Variants in METTL15 observed in about 807,000 individuals in gnomAD.
The protein encoded by METTL15 is 12S rRNA N(4)-cytidine methyltransferase METTL15.
In METTL15, 34 loss-of-function variants were observed where a neutral mutation model predicts 38.3. That is an observed-to-expected ratio of 0.89 (90% CI 0.68 to 1.18). The LOEUF is 1.18. Ranked by LOEUF, METTL15 falls within the 50% of genes most tolerant of loss-of-function variation. METTL15 has a pLI of 0.00. For missense variants in METTL15, 438 were observed against 498.4 expected, an observed-to-expected ratio of 0.88 and a Z score of 1.15; for synonymous variants, 162 against 170.9, an observed-to-expected ratio of 0.95 and a Z score of 0.41.
At chr11:28,520,187 A>G (rs1003437294) in intron 6 of METTL15, among the ~76,000 whole-genome samples, 1 of 152,046 alleles carries the variant, frequency 6.6e-6, no homozygotes, top group Non-Finnish European at 1.5e-5. Context: ...AAATAGGAAA[A>G]GTGAGCCTGG....
intron 3 of METTL15, among the ~76,000 whole-genome samples, chr11:28,118,577 T>G (rs1344393131): frequency 6.6e-6 from 1 of 152,046 alleles, no homozygotes. Flanking sequence ...GAAAAAAAAG[T>G]TTGGTTATTT....
intron 3 of METTL15, chr11:28,163,591 A>G (rs1464350924): frequency 2.5e-6 from 1 of 395,034 alleles, no homozygotes; most frequent in Non-Finnish European, 4.5e-6. Context: ...TACACAATCA[A>G]ATGTATTTCC....
intron 5 of METTL15, among the ~76,000 whole-genome samples, chr11:28,369,429 A>T (rs771506663): frequency 1.3e-5 from 2 of 152,110 alleles, no homozygotes; most frequent in African/African-American, 4.8e-5. Flanking sequence ...ATATATATAT[A>T]CATCCAAATT....
chr11:28,176,728 C>G (rs931917083), intron 3 of METTL15, among the ~76,000 whole-genome samples: 10 of 152,038 alleles, frequency 6.6e-5, no homozygotes, highest in African/African-American at 2.4e-4. Context: ...TATTATCTAT[C>G]TGACCTTTAG....
intron 4 of METTL15, among the ~76,000 whole-genome samples, chr11:28,259,823 T>A (rs908602694): frequency 6.6e-6 from 1 of 152,216 alleles, no homozygotes. Context: ...GACTTTTGGT[T>A]CTTATGCAGG....
At chr11:28,123,043 A>G (rs921860537) in intron 3 of METTL15, among the ~76,000 whole-genome samples, 2 of 152,152 alleles carry the variant, frequency 1.3e-5, no homozygotes, top group African/African-American at 2.4e-5. Flanking sequence ...ACTGAATCCA[A>G]ATTTTAAATT....
At chr11:28,439,196 C>T (rs1851012257) in intron 6 of METTL15, among the ~76,000 whole-genome samples, 2 of 152,080 alleles carry the variant, frequency 1.3e-5, no homozygotes, top group African/African-American at 4.8e-5. Flanking sequence ...ATAGAGGGAA[C>T]AATTGAAGTC....
intron 5 of METTL15, among the ~76,000 whole-genome samples, chr11:28,413,454 A>T (rs1303066378): frequency 1.3e-5 from 2 of 152,198 alleles, no homozygotes; most frequent in Non-Finnish European, 2.9e-5. Context: ...TTACAGGTAA[A>T]ACAAAATAAT....
At chr11:28,166,239 A>G (rs577456648) in intron 3 of METTL15, among the ~76,000 whole-genome samples, 148 of 152,302 alleles carry the variant, frequency 9.7e-4, no homozygotes, top group African/African-American at 2.8e-3. Flanking sequence ...GTCTGGTGGT[A>G]TACTTAACTA....
intron 4 of METTL15, among the ~76,000 whole-genome samples, chr11:28,360,879 A>T (rs1301688193): frequency 7.3e-6 from 1 of 136,726 alleles, no homozygotes; most frequent in Non-Finnish European, 1.5e-5. Context: ...TCATTGTTCA[A>T]TTCCCATCTA....
intron 4 of METTL15, among the ~76,000 whole-genome samples, chr11:28,226,988 A>G (rs188174819): frequency 1.2e-3 from 186 of 152,024 alleles, no homozygotes; most frequent in Admixed American, 5.0e-3. Context: ...TTACCTGTTC[A>G]TTGTTTTTGG....
intron 5 of METTL15, among the ~76,000 whole-genome samples, chr11:28,362,732 G>A (rs1850150966): frequency 6.6e-6 from 1 of 152,178 alleles, no homozygotes; most frequent in South Asian, 2.1e-4. Context: ...GTATTCCATG[G>A]TGTATACATA....
intron 6 of METTL15, among the ~76,000 whole-genome samples, chr11:28,306,680 C>T (rs1346791532): frequency 2.0e-5 from 3 of 151,942 alleles, no homozygotes; most frequent in Non-Finnish European, 4.4e-5. Context: ...TGAAGACAAG[C>T]ATATGCTTTC....
intron 6 of METTL15, among the ~76,000 whole-genome samples, chr11:28,477,810 A>G (rs1233348635): frequency 1.3e-5 from 2 of 152,022 alleles, no homozygotes; most frequent in Non-Finnish European, 2.9e-5. Flanking sequence ...ATTATCCTTG[A>G]ATTCTTCTTC....
intron 6 of METTL15, among the ~76,000 whole-genome samples, chr11:28,494,899 T>A (rs1398123450): frequency 3.9e-5 from 6 of 152,234 alleles, no homozygotes; most frequent in African/African-American, 1.4e-4. Flanking sequence ...CTCAGGTATG[T>A]CTTTATTAGC....
chr11:28,130,823 CAAT>C (rs781715640), intron 3 of METTL15, among the ~76,000 whole-genome samples: 17 of 152,110 alleles, frequency 1.1e-4, no homozygotes, highest in Non-Finnish European at 2.1e-4. Context: ...TTGATTTATG[CAAT>C]AGTTACATTT....
chr11:28,150,911 C>G (rs979447085), intron 3 of METTL15, among the ~76,000 whole-genome samples: 2 of 141,414 alleles, frequency 1.4e-5, no homozygotes, highest in Non-Finnish European at 3.0e-5. Context: ...TGTAAGCACT[C>G]TTTGTAAATC....
chr11:28,423,537 C>A (rs1850839304), intron 5 of METTL15, among the ~76,000 whole-genome samples: 1 of 151,886 alleles, frequency 6.6e-6, no homozygotes, highest in African/African-American at 2.4e-5. Flanking sequence ...AATAATGAGA[C>A]CCTATCATTT....
At chr11:28,137,835 T>C (rs1217005719) in intron 3 of METTL15, among the ~76,000 whole-genome samples, 1 of 152,208 alleles carries the variant, frequency 6.6e-6, no homozygotes, top group Non-Finnish European at 1.5e-5. Flanking sequence ...TATTTTTCTT[T>C]AGGCCAATCA....
Sources: allele counts gnomAD v4.1 joint callset (sites outside exome capture counted in the v4.1 genomes callset), GRCh38; gene constraint gnomAD v4.1.1; transcripts MANE v1.5; gene names NCBI Gene and HGNC (gene_info 2026-07-23, HGNC 2026-07-21).